The following ST18 variants were observed in gnomAD, a reference collection of about 807,000 sequenced individuals.
The protein encoded by ST18 is ST18 C2H2C-type zinc finger transcription factor, also known as suppression of tumorigenicity 18 protein.
A neutral mutation model predicts 110.0 loss-of-function variants in ST18; 50 were observed. That is an observed-to-expected ratio of 0.45 (90% CI 0.36 to 0.58). ST18 has a LOEUF of 0.58. ST18 is among the 20% of genes least tolerant of loss of function. The pLI is 0.00. For missense variants in ST18, 1,306 were observed against 1,280.1 expected, an observed-to-expected ratio of 1.02 and a Z score of -0.31; for synonymous variants, 461 against 452.4, an observed-to-expected ratio of 1.02 and a Z score of -0.24.
At chr8:52,185,787 T>G (rs890207339) in intron 8 of ST18, among the ~76,000 whole-genome samples, 3 of 152,116 alleles carry the variant, frequency 2.0e-5, no homozygotes, top group African/African-American at 7.2e-5. Context: ...GATGGCGAAT[T>G]TGCACTGTAA....
At chr8:52,334,125 A>C (rs1810945628) in intron 2 of ST18, among the ~76,000 whole-genome samples, 1 of 152,234 alleles carries the variant, frequency 6.6e-6, no homozygotes, top group African/African-American at 2.4e-5. Context: ...TCTCTGCCGG[A>C]TATTTGATGC....
chr8:52,385,698 T>C (rs1836410711), intron 2 of ST18, among the ~76,000 whole-genome samples: 1 of 150,482 alleles, frequency 6.6e-6, no homozygotes, highest in South Asian at 2.1e-4. Flanking sequence ...AGCCCTCGCT[T>C]AACTTCACAG....
At chr8:52,183,437 T>C (rs2070711476) in intron 8 of ST18, among the ~76,000 whole-genome samples, 1 of 152,210 alleles carries the variant, frequency 6.6e-6, no homozygotes, top group Admixed American at 6.5e-5. Flanking sequence ...ACTGTGTGAG[T>C]GTAGGATGAA....
intron 2 of ST18, chr8:52,403,532 T>C: frequency 6.6e-6 from 1 of 152,316 alleles, no homozygotes; most frequent in Non-Finnish European, 1.5e-5. Flanking sequence ...AAGGAGTCCT[T>C]CCTGGTTCTG....
chr8:52,395,044 G>A (rs1051066277), intron 2 of ST18, among the ~76,000 whole-genome samples: 4 of 152,162 alleles, frequency 2.6e-5, no homozygotes, highest in South Asian at 2.1e-4. Context: ...CGTCAGTCAT[G>A]GGGGAGGTCT....
Position 52,166,961 on chromosome 8 carries a change from C to T in ST18, c.1095G>A (p.Glu365=), listed in dbSNP as rs770975075. 2.5e-6 allele frequency: 4 copies of T among 1,611,234 alleles called. No individual in the cohort carries two copies. The highest frequency in any genetic ancestry group is 3.4e-6 in the Non-Finnish European group (4 of 1,177,904). The change falls in exon 11 of 26, where the codon GAG becomes GAA. Residue 365 remains glutamate (E), a synonymous_variant. Coordinates refer to ENST00000689386, the MANE Select transcript of ST18 (RefSeq NM_001352837.2). ...NKHSPRPEKR[E]TKCPIPGCDG... ...CACATCCAGGGATCGGGCACTTGGTCTCCCTCTTTTCAGGCCTTGGTGAAT... is the reference window on the plus strand; with the variant it reads ...CACATCCAGGGATCGGGCACTTGGTTTCCCTCTTTTCAGGCCTTGGTGAAT...
intron 2 of ST18, among the ~76,000 whole-genome samples, chr8:52,388,483 T>C (rs887625691): frequency 2.0e-5 from 3 of 152,204 alleles, no homozygotes; most frequent in Middle Eastern, 3.4e-3. Context: ...CCATTTACCA[T>C]GAATAAAAGT....
chr8:52,197,019 A>G (rs751873829), intron 8 of ST18, among the ~76,000 whole-genome samples: 11 of 152,256 alleles, frequency 7.2e-5, no homozygotes, highest in Non-Finnish European at 1.5e-4. Flanking sequence ...TATAAACAAA[A>G]TAAGAATTTT....
intron 2 of ST18, among the ~76,000 whole-genome samples, chr8:52,400,039 C>G (rs1374249059): frequency 1.3e-5 from 2 of 152,076 alleles, no homozygotes; most frequent in Non-Finnish European, 2.9e-5. Flanking sequence ...GTATTGCTAT[C>G]TAGTTCTTCA....
intron 13 of ST18, 60 bp downstream of exon 13, chr8:52,163,926 G>T: frequency 7.4e-7 from 1 of 1,348,258 alleles, no homozygotes; most frequent in Non-Finnish European, 1.1e-6. Flanking sequence ...AGGACCAGAG[G>T]CCCCGCTGTG....
In ST18 at chr8:52,172,595, G is replaced by T; in HGVS notation, c.278-12C>A. On this transcript the variant is annotated splice_polypyrimidine_tract_variant and intron_variant, in intron 9 of 25. Transcript: ENST00000689386. The stretch of plus-strand genomic sequence containing the variant: ...TATCATGATTTCCTCTATGGAAAAA[G>T]AAAACCAATATTTGAAGAGCAAGAA... 2 of 1,538,350 alleles carry T rather than the reference G, an allele frequency of 1.3e-6. No individual in the cohort carries two copies. Among genetic ancestry groups the T allele is most frequent in the Middle Eastern group, 3.6e-4 (2 of 5,530 alleles).
intron 2 of ST18, among the ~76,000 whole-genome samples, chr8:52,311,571 A>C (rs1463162612): frequency 6.6e-6 from 1 of 152,238 alleles, no homozygotes; most frequent in Non-Finnish European, 1.5e-5. Context: ...ATTTTAAAAA[A>C]GAGGATTAAT....
At chr8:52,150,273 T>C (rs1477095633) in intron 15 of ST18, among the ~76,000 whole-genome samples, 1 of 152,010 alleles carries the variant, frequency 6.6e-6, no homozygotes, top group Non-Finnish European at 1.5e-5. Context: ...TGTGTGTGTG[T>C]GTGTGTGTAT....
intron 16 of ST18, among the ~76,000 whole-genome samples, chr8:52,146,094 G>A (rs1157780153): frequency 1.3e-5 from 2 of 152,158 alleles, no homozygotes; most frequent in African/African-American, 2.4e-5. Context: ...TATGTGGTCG[G>A]GGGAGAGGGA....
chr8:52,334,637 G>A (rs1811197264), intron 2 of ST18, among the ~76,000 whole-genome samples: 1 of 152,162 alleles, frequency 6.6e-6, no homozygotes, highest in Admixed American at 6.5e-5. Context: ...GTTTAAGAGG[G>A]ACTATGGGGC....
At chr8:52,286,998 A>T (rs1017760010) in intron 2 of ST18, among the ~76,000 whole-genome samples, 3 of 152,172 alleles carry the variant, frequency 2.0e-5, no homozygotes, top group Non-Finnish European at 4.4e-5. Context: ...AAATAAAAAA[A>T]ACTGAGCAAA....
intron 2 of ST18, among the ~76,000 whole-genome samples, chr8:52,389,221 C>A (rs1401523035): frequency 6.6e-6 from 1 of 152,124 alleles, no homozygotes; most frequent in African/African-American, 2.4e-5. Context: ...AGCAAGGGAG[C>A]AGCACCATCA....
At chr8:52,127,412 A>G (rs2047506059) in intron 22 of ST18, among the ~76,000 whole-genome samples, 2 of 152,184 alleles carry the variant, frequency 1.3e-5, no homozygotes, top group African/African-American at 4.8e-5. Context: ...TGGCCTATAA[A>G]AGTTTCATTA....
At chr8:52,180,916 T>A (rs1172504852) in intron 8 of ST18, among the ~76,000 whole-genome samples, 21 of 152,186 alleles carry the variant, frequency 1.4e-4, no homozygotes, top group Admixed American at 1.4e-3. Flanking sequence ...TGATTCTCAC[T>A]CACTTGGCAC....
Sources: gnomAD v4.1 joint callset for allele counts (sites outside exome capture counted in the v4.1 genomes callset) on GRCh38, gnomAD v4.1.1 for gene constraint, MANE v1.5 for transcripts, NCBI Gene and HGNC (gene_info 2026-07-23, HGNC 2026-07-21) for gene names.